Variants in NLRP9 observed in about 807,000 individuals in gnomAD.
NLRP9 encodes NACHT, LRR and PYD domains-containing protein 9.
Under a neutral mutation model 83.1 loss-of-function variants are expected in NLRP9, and 88 were observed. The observed-to-expected ratio is 1.06, with a 90% CI of 0.89 to 1.26. The LOEUF (loss-of-function observed/expected upper bound fraction) is 1.26, where lower values mean the gene tolerates loss of function less well. Among genes scored for constraint, NLRP9 ranks in the 50% most tolerant of loss-of-function variants. The pLI, the probability that NLRP9 is intolerant of heterozygous loss-of-function variation, is 0.00. For synonymous variants in NLRP9, 521 were observed against 447.6 expected (o/e 1.16, Z -2.07); for missense variants, 1,308 against 1,179.3 (o/e 1.11, Z -1.60).
chr19:55,710,751 C>T (rs1987678406), intron 8 of NLRP9, among the ~76,000 whole-genome samples: 2 of 152,158 alleles, frequency 1.3e-5, no homozygotes, highest in African/African-American at 4.8e-5. Flanking sequence ...TCTTGTACAG[C>T]CTGCAGATGC....
chr19:55,738,010 G>GA, intron 1 of NLRP9, 85 bp downstream of exon 1: 1 of 1,259,888 alleles, frequency 7.9e-7, no homozygotes, highest in Non-Finnish European at 1.1e-6. Context: ...TCATCTGATG[G>GA]AGGGGGTGGC....
At chr19:55,734,574 T>C (rs1988726047) in intron 1 of NLRP9, among the ~76,000 whole-genome samples, 1 of 146,574 alleles carries the variant, frequency 6.8e-6, no homozygotes, top group Non-Finnish European at 1.5e-5. Context: ...TATACACACA[T>C]ATACATATAT....
At chr19:55,711,402 T>C in intron 8 of NLRP9, 1 of 1,267,700 alleles carries the variant, frequency 7.9e-7, no homozygotes, top group Non-Finnish European at 1.0e-6. Context: ...AATGTATTTC[T>C]GAATCAAGAC....
intron 4 of NLRP9, among the ~76,000 whole-genome samples, chr19:55,720,520 G>A (rs1251943223): frequency 6.6e-6 from 1 of 152,008 alleles, no homozygotes; most frequent in African/African-American, 2.4e-5. Flanking sequence ...TTAGAGACGG[G>A]AGTCTCACTA....
chr19:55,710,368 C>T (rs1375473645), intron 8 of NLRP9, among the ~76,000 whole-genome samples: 1 of 152,144 alleles, frequency 6.6e-6, no homozygotes, highest in East Asian at 1.9e-4. Context: ...CAAGGCCTGG[C>T]CCCATCTCAG....
chr19:55,712,032 A>G (rs370972679), intron 7 of NLRP9, 62 bp from the exon 8 acceptor site: 1 of 1,523,424 alleles, frequency 6.6e-7, no homozygotes, highest in Non-Finnish European at 9.0e-7. Context: ...AAGGCACGCC[A>G]TTGTTACTTG....
At chr19:55,736,905 A>G (rs1988800379) in intron 1 of NLRP9, among the ~76,000 whole-genome samples, 1 of 152,110 alleles carries the variant, frequency 6.6e-6, no homozygotes, top group African/African-American at 2.4e-5. Context: ...CAAATAAAAT[A>G]CCCTCAAGCA....
rs201173222 is a variant in NLRP9 at position 55,733,413 on chromosome 19, T to C, written c.418A>G (p.Thr140Ala). 243 of 1,614,024 alleles carry C rather than the reference T, an allele frequency of 1.5e-4. No homozygotes were observed. Among genetic ancestry groups the C allele is most frequent in the Non-Finnish European group, 2.0e-4 (237 of 1,180,000 alleles). ...ACAGTGTGTCGTCTAGCCGCAGCAG[T>C]ATATGCGTCATTCAATTCTTTATAC... The part of the protein sequence containing the change: ...NEYKELNDAY[T>A]AAARRHTVVL... Residue 140 changes from threonine to alanine, a missense_variant, in exon 2 of 9, where the codon ACT (threonine) becomes GCT (alanine). Transcript: ENST00000332836.
chr19:55,738,020 C>T, intron 1 of NLRP9, 75 bp downstream of exon 1: 3 of 1,359,900 alleles, frequency 2.2e-6, no homozygotes, highest in Non-Finnish European at 3.1e-6. Context: ...GAGGGGGTGG[C>T]CACTCATTTA....
intron 8 of NLRP9, 176 bp from the exon 9 acceptor site, chr19:55,709,220 T>C (rs1987595889): frequency 2.3e-6 from 1 of 435,246 alleles, no homozygotes; most frequent in African/African-American, 2.1e-5. Flanking sequence ...AGGAAGCCTC[T>C]GATTTATACC....
chr19:55,712,406 C>G lies in NLRP9; in HGVS notation c.2672+14G>C, dbSNP rs1188982394. The stretch of plus-strand genomic sequence containing the variant: ...AGATAAATTTTCCTACGATGGTGAT[C>G]AGTAGATACTCACCCGAGACACTCT... On this transcript the variant is annotated intron_variant, in intron 7 of 8. Transcript: ENST00000332836. 6.3e-7 allele frequency: 1 copy of G among 1,594,530 alleles called. No individual in the cohort carries two copies. Among genetic ancestry groups the G allele is most frequent in the East Asian group, 2.2e-5 (1 of 44,706 alleles).
At position 55,731,987 on chromosome 19, in the gene NLRP9, A is replaced by T; in HGVS notation, c.1832+12T>A. Reference sequence around the variant, plus strand: ...GTAGTGTGTGGGACGGGGGATTAATAGACAGACTCACTCTGAGATGCATCC... The same window carrying T: ...GTAGTGTGTGGGACGGGGGATTAATTGACAGACTCACTCTGAGATGCATCC... On this transcript the variant is annotated intron_variant, in intron 2 of 8. Transcript: ENST00000332836. 2 of 1,505,500 alleles carry T rather than the reference A, an allele frequency of 1.3e-6. No homozygotes were observed. The highest frequency in any genetic ancestry group is 2.6e-5 in the South Asian group (2 of 76,258). 93.3% of individuals were successfully genotyped at this position (1,505,500 alleles called of 1,614,324 possible).
At position 55,711,925 on chromosome 19, in the gene NLRP9, G is replaced by C. The variant is rs539738770; in HGVS notation, c.2718C>G (p.Ala906=). The part of the protein sequence containing the change: ...PITRACCDDI[A]AALIACKTLR... ...GTGTTTTGCAGGCGATGAGTGCTGC[G>C]GCGATGTCGTCGCAGCAGGCACGGG... is the stretch of plus-strand genomic sequence containing the variant. The change falls in exon 8 of 9, where the codon GCC becomes GCG. Residue 906 remains alanine (A), a synonymous_variant. Transcript: ENST00000332836. The C allele has an allele frequency of 3.1e-6, 5 of 1,613,054 alleles. No individual in the cohort carries two copies. In the South Asian group the frequency reaches 5.5e-5, roughly 18 times the overall value.
In NLRP9 at chr19:55,732,556, G is replaced by A. The variant is rs1236523509; in HGVS notation, c.1275C>T (p.Gly425=). 1 of 1,614,140 alleles carries A rather than the reference G, an allele frequency of 6.2e-7. No homozygotes were observed. Among genetic ancestry groups the A allele is most frequent in the Non-Finnish European group, 8.5e-7 (1 of 1,180,022 alleles). ...GGAGTCTCATACCCACCCACATCAC[G>A]CCCTCAGACTCAGATAACCCATTCC... ...LRRNGLSESE[G]VMWVGMRLLQ... is the part of the protein sequence containing the mutation. The change falls in exon 2 of 9, where the codon GGC becomes GGT. Residue 425 remains glycine (G), a synonymous_variant. Transcript: ENST00000332836.
chr19:55,735,365 A>G (rs1367971262), intron 1 of NLRP9, among the ~76,000 whole-genome samples: 3 of 152,140 alleles, frequency 2.0e-5, no homozygotes, highest in African/African-American at 7.2e-5. Flanking sequence ...AGGCAGGAGG[A>G]GCACTTGAGG....
intron 6 of NLRP9, among the ~76,000 whole-genome samples, chr19:55,714,497 C>CA (rs1987931053): frequency 6.6e-6 from 1 of 152,112 alleles, no homozygotes; most frequent in Non-Finnish European, 1.5e-5. Context: ...GCTGGAGACC[C>CA]AACTCCTGAG....
chr19:55,718,346 G>C (rs965654383), intron 4 of NLRP9, among the ~76,000 whole-genome samples: 6 of 152,210 alleles, frequency 3.9e-5, no homozygotes, highest in Admixed American at 1.3e-4. Flanking sequence ...GAGTGAAAGA[G>C]GGAGGCCTCT....
At chr19:55,736,833 CA>C (rs541495982) in intron 1 of NLRP9, among the ~76,000 whole-genome samples, 1 of 134,746 alleles carries the variant, frequency 7.4e-6, no homozygotes, top group East Asian at 2.2e-4. Context: ...GACTCCGTCT[CA>C]AAAAAATAAA....
chr19:55,710,511 G>A (rs1193763053), intron 8 of NLRP9, among the ~76,000 whole-genome samples: 2 of 152,090 alleles, frequency 1.3e-5, no homozygotes, highest in African/African-American at 4.8e-5. Context: ...GGCCTGGTGG[G>A]AGGTGACTGG....
Sources: allele counts gnomAD v4.1 joint callset (sites outside exome capture counted in the v4.1 genomes callset), GRCh38; gene constraint gnomAD v4.1.1; transcripts MANE v1.5; gene names NCBI Gene and HGNC (gene_info 2026-07-23, HGNC 2026-07-21).